The following KCTD1 variants were observed in gnomAD, a reference collection of about 807,000 sequenced individuals.
The protein encoded by KCTD1 is BTB/POZ domain-containing protein KCTD1.
KCTD1 carries 24 observed loss-of-function variants against 66.0 expected under a neutral mutation model. That is an observed-to-expected ratio of 0.36 (90% confidence interval 0.26 to 0.51). The LOEUF is 0.51. KCTD1 is among the 20% of genes least tolerant of loss of function. KCTD1 has a pLI of 0.95. For missense variants in KCTD1, 943 were observed against 1,205.2 expected (o/e 0.78, Z 3.22); for synonymous variants, 511 against 517.2 (o/e 0.99, Z 0.16).
chr18:26,635,140 G>T (rs1987697492), intron 1 of KCTD1, among the ~76,000 whole-genome samples: 1 of 151,738 alleles, frequency 6.6e-6, no homozygotes, highest in Admixed American at 6.6e-5. Context: ...AAAAAATATT[G>T]CATTAAAATA....
At chr18:26,635,262 AG>A (rs1318865152) in intron 1 of KCTD1, among the ~76,000 whole-genome samples, 1 of 152,224 alleles carries the variant, frequency 6.6e-6, no homozygotes, top group Admixed American at 6.5e-5. Flanking sequence ...TGCATCTCAA[AG>A]GCTGTTTTCT....
At position 26,547,196 on chromosome 18, in the gene KCTD1, G is replaced by A; in HGVS notation, c.1341C>T (p.Thr447=). The part of the protein sequence containing the change: ...MLSKAAKLSK[T]YTNHCIGAVS... ...CGGCGCCGATGCAGTGGTTGGTGTAGGTCTTGGAGAGCTTGGCCGCCTTGG... is the reference window on the plus strand; with the variant it reads ...CGGCGCCGATGCAGTGGTTGGTGTAAGTCTTGGAGAGCTTGGCCGCCTTGG... Residue 447 remains threonine (T), a synonymous_variant, in exon 1 of 5, where the codon ACC becomes ACT. Transcript: ENST00000580059. 2 of 1,551,296 alleles carry A rather than the reference G, an allele frequency of 1.3e-6. No homozygotes were observed. Among genetic ancestry groups the A allele is most frequent in the South Asian group, 1.2e-5 (1 of 84,066 alleles).
intron 1 of KCTD1, among the ~76,000 whole-genome samples, chr18:26,604,766 G>A (rs532412222): frequency 7.2e-5 from 11 of 152,252 alleles, no homozygotes; most frequent in East Asian, 1.9e-4. Context: ...AGGGAGAGGA[G>A]CAGAAAAGAT....
intron 1 of KCTD1, among the ~76,000 whole-genome samples, chr18:26,507,636 TCACAAA>T (rs1007631097): frequency 5.0e-4 from 76 of 152,160 alleles, no homozygotes; most frequent in African/African-American, 1.8e-3. Context: ...TTACGACCCC[TCACAAA>T]CACATTCATT....
intron 1 of KCTD1, among the ~76,000 whole-genome samples, chr18:26,652,364 C>G (rs2145081910): frequency 6.6e-6 from 1 of 152,254 alleles, no homozygotes; most frequent in South Asian, 2.1e-4. Flanking sequence ...TATGGAATTG[C>G]ATTTGTACAT....
intron 1 of KCTD1, among the ~76,000 whole-genome samples, chr18:26,535,990 A>T (rs1016836209): frequency 1.3e-5 from 2 of 150,246 alleles, no homozygotes; most frequent in African/African-American, 2.5e-5. Context: ...AAAAAAAAGA[A>T]GATTTTTTTT....
intron 1 of KCTD1, chr18:26,581,722 C>A (rs186386580): frequency 1.3e-5 from 2 of 152,006 alleles, no homozygotes; most frequent in East Asian, 3.9e-4. Context: ...GCCAGCAAGA[C>A]CTCATCTCTA....
At chr18:26,626,050 C>A (rs548395218) in intron 1 of KCTD1, among the ~76,000 whole-genome samples, 2 of 152,098 alleles carry the variant, frequency 1.3e-5, no homozygotes, top group East Asian at 3.9e-4. Flanking sequence ...CATTTTGCCA[C>A]CATGAGGTTT....
intron 1 of KCTD1, among the ~76,000 whole-genome samples, chr18:26,589,715 T>C (rs1191742411): frequency 1.3e-5 from 2 of 152,098 alleles, no homozygotes; most frequent in African/African-American, 4.8e-5. Context: ...GTTAGACCCC[T>C]CCCTAGCCCC....
At position 26,624,706 on chromosome 18, in the gene KCTD1, C is replaced by T. The variant is rs754837990; in HGVS notation, c.-16+4441G>A. On this transcript the variant is annotated intron_variant, in intron 1 of 4. Coordinates refer to the KCTD1 transcript ENST00000317932. ...GCAGTGTGGGAGGGAGATGTGGGGT[C>T]GAGCCCCTACGAGGAGTGCCCACTG... Among the ~76,000 whole-genome samples the T allele has an allele frequency of 6.6e-5, 10 of 152,194 alleles. No individual in the cohort carries two copies. The South Asian group carries it at 8.3e-4, about 13-fold the overall frequency.
rs1389031727 is a variant in KCTD1, at chr18:26,459,614, C to G, written c.2439+6G>C. On this transcript the variant is annotated splice_donor_region_variant and intron_variant, in intron 4 of 4. Transcript: ENST00000580059. Reference sequence around the variant, plus strand: ...TGATGCCACACAGTGCGTAACAATGCTATACCTGGACTGAGTTGAGGTGAC... The same window carrying G: ...TGATGCCACACAGTGCGTAACAATGGTATACCTGGACTGAGTTGAGGTGAC... 6.3e-7 allele frequency: 1 copy of G among 1,579,894 alleles called. No homozygotes were observed. Among genetic ancestry groups the G allele is most frequent in the Non-Finnish European group, 8.6e-7 (1 of 1,159,620 alleles).
chr18:26,469,230 T>C (rs1471937848), intron 3 of KCTD1, among the ~76,000 whole-genome samples: 1 of 151,798 alleles, frequency 6.6e-6, no homozygotes, highest in East Asian at 1.9e-4. Context: ...TTAAAGGGTG[T>C]GTTTGGTACT....
intron 1 of KCTD1, among the ~76,000 whole-genome samples, chr18:26,569,689 G>A (rs1444080977): frequency 6.6e-6 from 1 of 152,132 alleles, no homozygotes; most frequent in Non-Finnish European, 1.5e-5. Flanking sequence ...ACAAAGAACA[G>A]ATAATTCCCA....
chr18:26,649,663 C>A (rs1987992950), intron 1 of KCTD1, among the ~76,000 whole-genome samples: 1 of 152,122 alleles, frequency 6.6e-6, no homozygotes, highest in South Asian at 2.1e-4. Context: ...CACGCGCCAC[C>A]ACGCCCGGCT....
chr18:26,484,328 G>A (rs1981804626), intron 2 of KCTD1, among the ~76,000 whole-genome samples: 1 of 152,160 alleles, frequency 6.6e-6, no homozygotes, highest in African/African-American at 2.4e-5. Flanking sequence ...AGGAGATAAT[G>A]TTTCTAGTAC....
chr18:26,548,662 G>C (rs1985400354), upstream of KCTD1: 2 of 1,073,526 alleles, frequency 1.9e-6, no homozygotes, highest in Non-Finnish European at 2.3e-6. Context: ...AAGGAGCCGC[G>C]CTCCAATTGT....
chr18:26,650,957 ATTG>A (rs747959855), intron 1 of KCTD1, among the ~76,000 whole-genome samples: 1 of 152,234 alleles, frequency 6.6e-6, no homozygotes, highest in African/African-American at 2.4e-5. Flanking sequence ...CAAGGGCTGA[ATTG>A]TTGTCAGTTC....
upstream of KCTD1, chr18:26,549,518 A>C: frequency 2.2e-6 from 2 of 921,462 alleles, no homozygotes; most frequent in Non-Finnish European, 2.6e-6. Flanking sequence ...TTGGGACCCC[A>C]GGGGCCACAG....
intron 1 of KCTD1, among the ~76,000 whole-genome samples, chr18:26,506,450 G>A (rs978250198): frequency 5.3e-5 from 8 of 152,190 alleles, no homozygotes; most frequent in Non-Finnish European, 1.0e-4. Context: ...AACACTGGGA[G>A]GTTGGAAGGA....
Sources: allele counts gnomAD v4.1 joint callset (sites outside exome capture counted in the v4.1 genomes callset), GRCh38; gene constraint gnomAD v4.1.1; transcripts MANE v1.5; gene names NCBI Gene and HGNC (gene_info 2026-07-23, HGNC 2026-07-21).